Variants in SLMAP observed in about 807,000 individuals in gnomAD.
SLMAP encodes sarcolemma associated protein.
Under a neutral mutation model 128.8 loss-of-function variants are expected in SLMAP, and 44 were observed. That is an observed-to-expected ratio of 0.34 (90% CI 0.27 to 0.44). The LOEUF (loss-of-function observed/expected upper bound fraction) is 0.44, where lower values mean the gene tolerates loss of function less well. Ranked by LOEUF, SLMAP falls within the 20% of genes least tolerant of loss-of-function variation. The probability of loss-of-function intolerance (pLI) is 1.00; values close to 1 mark genes in which losing one functional copy is unlikely to be tolerated. For missense variants in SLMAP, 787 were observed against 985.3 expected, an observed-to-expected ratio of 0.80 and a Z score of 2.69; for synonymous variants, 327 against 348.8, an observed-to-expected ratio of 0.94 and a Z score of 0.70.
At chr3:57,824,767 A>C (rs1230013716) in intron 2 of SLMAP, among the ~76,000 whole-genome samples, 2 of 152,128 alleles carry the variant, frequency 1.3e-5, no homozygotes, top group African/African-American at 4.8e-5. Flanking sequence ...TTGAGGATGG[A>C]CTTTTCCATT....
intron 2 of SLMAP, among the ~76,000 whole-genome samples, chr3:57,798,929 T>C (rs1418184005): frequency 6.6e-6 from 1 of 152,178 alleles, no homozygotes; most frequent in Non-Finnish European, 1.5e-5. Flanking sequence ...TTCACTCAGT[T>C]TATAGTTGCA....
chr3:57,858,232 T>C, intron 8 of SLMAP, 73 bp downstream of exon 8: 1 of 869,886 alleles, frequency 1.1e-6, no homozygotes. Flanking sequence ...TGACTATCAT[T>C]TTGAGTATAT....
chr3:57,850,793 G>A (rs1462357036), intron 6 of SLMAP, among the ~76,000 whole-genome samples: 1 of 151,938 alleles, frequency 6.6e-6, no homozygotes, highest in African/African-American at 2.4e-5. Flanking sequence ...ACCACCCACA[G>A]CTGGCTAATT....
chr3:57,774,698 C>T (rs6790253), intron 2 of SLMAP, among the ~76,000 whole-genome samples: 4,014 of 151,674 alleles, frequency 0.026, 158 homozygotes, highest in African/African-American at 0.091. Flanking sequence ...CTAATTTTTG[C>T]GTTTTTAGTA....
intron 19 of SLMAP, among the ~76,000 whole-genome samples, chr3:57,910,198 G>C (rs1553641393): frequency 6.6e-6 from 1 of 151,710 alleles, no homozygotes; most frequent in South Asian, 2.1e-4. Flanking sequence ...ATATTTTTTT[G>C]CTTGTTTTTT....
At chr3:57,899,556 T>A (rs1336215311) in intron 17 of SLMAP, 1 of 152,198 alleles carries the variant, frequency 6.6e-6, no homozygotes, top group African/African-American at 2.4e-5. Flanking sequence ...TGAATTTTTT[T>A]ACTTATTTTG....
chr3:57,865,313 A>G, intron 13 of SLMAP, 21 bp downstream of exon 13: 1 of 1,029,128 alleles, frequency 9.7e-7, no homozygotes, highest in Non-Finnish European at 1.4e-6. Context: ...AAACTTAAAT[A>G]TATATATACT....
intron 5 of SLMAP, among the ~76,000 whole-genome samples, chr3:57,848,625 CTTCTTCCTCTTCCTT>C: frequency 6.9e-6 from 1 of 145,952 alleles, no homozygotes; most frequent in African/African-American, 2.5e-5. Context: ...TCTTTTTCTT[CTTCTTCCTCTTCCTT>C]TTCTTCCTCC....
At chr3:57,884,955 G>A (rs1487663882) in intron 14 of SLMAP, among the ~76,000 whole-genome samples, 2 of 152,010 alleles carry the variant, frequency 1.3e-5, no homozygotes, top group African/African-American at 4.8e-5. Flanking sequence ...GCCAAGATCA[G>A]ACTTTTGAGG....
chr3:57,811,461 A>T (rs1198423521), intron 2 of SLMAP, among the ~76,000 whole-genome samples: 1 of 152,100 alleles, frequency 6.6e-6, no homozygotes, highest in East Asian at 1.9e-4. Flanking sequence ...TTGTATGTAT[A>T]TTTTTATGTC....
intron 14 of SLMAP, among the ~76,000 whole-genome samples, chr3:57,888,206 T>C (rs528957095): frequency 2.6e-5 from 4 of 152,160 alleles, no homozygotes; most frequent in Admixed American, 2.6e-4. Flanking sequence ...TTGAGATATA[T>C]AAAAATTAAT....
At chr3:57,839,488 T>A (rs1325381074) in intron 3 of SLMAP, among the ~76,000 whole-genome samples, 2 of 145,008 alleles carry the variant, frequency 1.4e-5, no homozygotes, top group Non-Finnish European at 3.0e-5. Flanking sequence ...TCACCCAGGC[T>A]GGAGTGCAGT....
At chr3:57,834,898 G>T (rs935869207) in intron 3 of SLMAP, among the ~76,000 whole-genome samples, 1 of 151,970 alleles carries the variant, frequency 6.6e-6, no homozygotes, top group Non-Finnish European at 1.5e-5. Context: ...GAGGCAGGTG[G>T]ATTGCTTGAG....
intron 22 of SLMAP, among the ~76,000 whole-genome samples, chr3:57,921,558 G>A (rs2096919166): frequency 2.0e-5 from 3 of 151,954 alleles, no homozygotes; most frequent in African/African-American, 4.8e-5. Context: ...CCTGGGAGGC[G>A]GAGGTTTCAG....
At chr3:57,766,139 C>T (rs966537805) in intron 2 of SLMAP, among the ~76,000 whole-genome samples, 11 of 147,548 alleles carry the variant, frequency 7.5e-5, no homozygotes, top group African/African-American at 2.5e-4. Flanking sequence ...GCTGGGACTA[C>T]AGGCGCCTAC....
At chr3:57,833,835 T>C (rs897149807) in intron 3 of SLMAP, among the ~76,000 whole-genome samples, 1 of 152,108 alleles carries the variant, frequency 6.6e-6, no homozygotes, top group African/African-American at 2.4e-5. Flanking sequence ...TTTCTTTTGG[T>C]ACTTACTGGC....
intron 14 of SLMAP, among the ~76,000 whole-genome samples, chr3:57,888,345 C>T (rs1323546829): frequency 6.6e-6 from 1 of 152,028 alleles, no homozygotes; most frequent in Non-Finnish European, 1.5e-5. Flanking sequence ...TGATTATAGG[C>T]CAGGCGCAGT....
intron 2 of SLMAP, among the ~76,000 whole-genome samples, chr3:57,788,080 A>G (rs768682739): frequency 6.6e-6 from 1 of 152,202 alleles, no homozygotes; most frequent in Non-Finnish European, 1.5e-5. Flanking sequence ...AATGAGGGGA[A>G]GTACATTCTA....
chr3:57,886,186 C>G (rs1359962048), intron 14 of SLMAP, among the ~76,000 whole-genome samples: 1 of 151,612 alleles, frequency 6.6e-6, no homozygotes, highest in Non-Finnish European at 1.5e-5. Context: ...TCACTGCAAC[C>G]TCTGCCACCC....
Sources: allele counts gnomAD v4.1 joint callset (sites outside exome capture counted in the v4.1 genomes callset), GRCh38; gene constraint gnomAD v4.1.1; transcripts MANE v1.5; gene names NCBI Gene and HGNC (gene_info 2026-07-23, HGNC 2026-07-21).